SYNE3: variants seen among roughly 807,000 people sequenced by gnomAD.
SYNE3 encodes nesprin-3.
Under a neutral mutation model 111.2 loss-of-function variants are expected in SYNE3, and 100 were observed. The observed-to-expected ratio is 0.90, with a 90% CI of 0.77 to 1.06. The LOEUF is 1.06. Ranked by LOEUF, SYNE3 falls within the 50% of genes least tolerant of loss-of-function variation. The probability of loss-of-function intolerance (pLI) is 0.00; values close to 1 mark genes in which losing one functional copy is unlikely to be tolerated. For missense variants in SYNE3, 1,160 were observed against 1,240.3 expected (o/e 0.94, Z 0.97); for synonymous variants, 547 against 533.9 (o/e 1.02, Z -0.34).
chr14:95,475,703 AGG>A lies in SYNE3; in HGVS notation c.117_118del (p.Leu40GlyfsTer29). 6.3e-7 allele frequency: 1 copy of A among 1,589,374 alleles called. No homozygotes were observed. The highest frequency in any genetic ancestry group is 8.6e-7 in the Non-Finnish European group (1 of 1,169,138). On this transcript the variant is annotated frameshift_variant, in exon 2 of 18. Transcript: ENST00000682763. LOFTEE classifies it high-confidence loss of function. The stretch of plus-strand genomic sequence containing the variant: ...CTCGGTCTCCCACAGCCTGGCCTCC[AGG>A]GCCGCGCGGGGTCCCTGCGTGTTGT...
intron 17 of SYNE3, among the ~76,000 whole-genome samples, chr14:95,419,886 T>TTGC (rs1218023470): frequency 7.9e-6 from 1 of 126,094 alleles, no homozygotes; most frequent in Non-Finnish European, 1.7e-5. Flanking sequence ...GTGATGATGA[T>TTGC]GATAGTGATG....
intron 6 of SYNE3, among the ~76,000 whole-genome samples, chr14:95,455,040 C>T (rs2024865): frequency 0.068 from 10,304 of 152,200 alleles, 1,132 homozygotes; most frequent in African/African-American, 0.23. Flanking sequence ...AGGAAGCCCA[C>T]ACCTTATCCC....
Position 95,457,350 on chromosome 14 carries a change from G to A in SYNE3, c.628-12C>T, listed in dbSNP as rs1194185049. 2 of 1,612,094 alleles carry A rather than the reference G, an allele frequency of 1.2e-6. No individual in the cohort carries two copies. Among genetic ancestry groups the A allele is most frequent in the African/African-American group, 2.7e-5 (2 of 75,028 alleles). On this transcript the variant is annotated splice_polypyrimidine_tract_variant and intron_variant, in intron 4 of 17. Transcript: ENST00000682763. ...AGATCTACACGCTTCTGTGGGAGGA[G>A]GAGAATCACCAGCCATGAGGGTCCC...
rs1274748440 is a variant in SYNE3 at position 95,440,064 on chromosome 14, G to C, written c.1923C>G (p.Asp641Glu). ...ALQRSLEDLV[D>E]RCRQSVQEHC... ...GCTCCTGCACACTCTGCCGACACCT[G>C]TCCACAAGGTCCTGCAGCACAGCCC... is the stretch of plus-strand genomic sequence containing the variant. Residue 641 changes from aspartate (D) to glutamate (E), a missense_variant, in exon 12 of 18, where the codon GAC becomes GAG. Asp to Glu is a conservative substitution (Grantham distance 45). Transcript: ENST00000682763. 1.9e-6 allele frequency: 3 copies of C among 1,602,786 alleles called. No homozygotes were observed. The highest frequency in any genetic ancestry group is 2.5e-6 in the Non-Finnish European group (3 of 1,178,778).
At chr14:95,425,199 T>C (rs1885362810) in intron 17 of SYNE3, among the ~76,000 whole-genome samples, 1 of 150,654 alleles carries the variant, frequency 6.6e-6, no homozygotes, top group African/African-American at 2.4e-5. Flanking sequence ...TGAGCAGAGA[T>C]TGCACCACTG....
intron 1 of SYNE3, among the ~76,000 whole-genome samples, chr14:95,499,854 G>GCCTTTT (rs1433728190): frequency 1.9e-5 from 1 of 53,756 alleles, no homozygotes; most frequent in South Asian, 6.7e-4. Flanking sequence ...ACTAACTCTT[G>GCCTTTT]TCTTTTTTTT....
intron 1 of SYNE3, among the ~76,000 whole-genome samples, chr14:95,487,115 C>T (rs1208740159): frequency 6.6e-6 from 1 of 152,192 alleles, no homozygotes; most frequent in Non-Finnish European, 1.5e-5. Context: ...GCTGACTCTT[C>T]CCTGTCTCTT....
intron 3 of SYNE3, 64 bp downstream of exon 3, chr14:95,467,731 G>A: frequency 6.3e-7 from 1 of 1,587,306 alleles, no homozygotes; most frequent in Non-Finnish European, 8.6e-7. Context: ...GAGGGCCCAA[G>A]CTAGTGTCAC....
intron 15 of SYNE3, among the ~76,000 whole-genome samples, chr14:95,435,923 G>A (rs537874237): frequency 1.9e-4 from 29 of 152,306 alleles, no homozygotes; most frequent in Admixed American, 1.5e-3. Flanking sequence ...AGGATCAGCT[G>A]GGAGGCTACA....
At chr14:95,421,171 G>T (rs540743308) in intron 17 of SYNE3, among the ~76,000 whole-genome samples, 1 of 152,076 alleles carries the variant, frequency 6.6e-6, no homozygotes, top group African/African-American at 2.4e-5. Flanking sequence ...ACCCAGTCTC[G>T]GGTATGTCTT....
chr14:95,432,007 A>C, intron 17 of SYNE3, 72 bp downstream of exon 17: 2 of 1,547,178 alleles, frequency 1.3e-6, no homozygotes, highest in African/African-American at 1.4e-5. Context: ...GTCTTGCCCC[A>C]GTGTCACGGG....
At chr14:95,480,469 A>G (rs1222466799) in intron 1 of SYNE3, among the ~76,000 whole-genome samples, 2 of 152,234 alleles carry the variant, frequency 1.3e-5, no homozygotes, top group South Asian at 2.1e-4. Context: ...CATGCTCAGA[A>G]CACAGAACCT....
At chr14:95,456,149 T>C (rs1057067126) in intron 5 of SYNE3, 2 of 253,484 alleles carry the variant, frequency 7.9e-6, no homozygotes, top group Non-Finnish European at 1.5e-5. Context: ...TTTATGACAG[T>C]GATATGTTTT....
chr14:95,417,688 C>G lies in SYNE3; in HGVS notation c.*138G>C. On this transcript the variant is annotated 3_prime_UTR_variant, in exon 18 of 18. Coordinates refer to ENST00000682763, the MANE Select transcript of SYNE3 (RefSeq NM_152592.6). ...AAAAAGTAAGTGTCTTCTGGGAACG[C>G]TGACACAGCACTGATATGGATGCAG... is the stretch of plus-strand genomic sequence containing the variant. 5 of 896,492 alleles carry G rather than the reference C, an allele frequency of 5.6e-6. No individual in the cohort carries two copies. The highest frequency in any genetic ancestry group is 9.2e-6 in the Non-Finnish European group (5 of 546,356). 55.5% of individuals were successfully genotyped at this position (896,492 alleles called of 1,614,324 possible).
chr14:95,436,854 G>A lies in SYNE3; in HGVS notation c.2504C>T (p.Ala835Val), dbSNP rs1886111527. 3.1e-6 allele frequency: 5 copies of A among 1,614,070 alleles called. No individual in the cohort carries two copies. Among genetic ancestry groups the A allele is most frequent in the Non-Finnish European group, 4.2e-6 (5 of 1,180,054 alleles). The change falls in exon 15 of 18, where the codon GCT (alanine) becomes GTT (valine). Residue 835 changes from alanine to valine, a missense_variant. Physicochemically the swap from Ala to Val is moderately conservative, Grantham distance 64. Transcript: ENST00000682763. ...VRIIAMRTST[A>V]EDLRTRKSKL... is the part of the protein sequence containing the mutation. ...CGATTTTCTGGTCCTCAAGTCCTCA[G>A]CTGTAGAAGTTCTCATTGCGATGAT...
chr14:95,501,584 A>T (rs760634741), intron 1 of SYNE3, among the ~76,000 whole-genome samples: 2 of 152,186 alleles, frequency 1.3e-5, no homozygotes, highest in Non-Finnish European at 2.9e-5. Context: ...TAGGGAGCTC[A>T]GTGAGGTTTG....
At chr14:95,460,605 G>A (rs1318545461) in intron 4 of SYNE3, among the ~76,000 whole-genome samples, 1 of 137,842 alleles carries the variant, frequency 7.3e-6, no homozygotes, top group Non-Finnish European at 1.5e-5. Context: ...CATGGGCCCT[G>A]CTTGAATCTG....
chr14:95,480,253 A>T (rs933704376), intron 1 of SYNE3, among the ~76,000 whole-genome samples: 3 of 152,320 alleles, frequency 2.0e-5, no homozygotes, highest in African/African-American at 7.2e-5. Flanking sequence ...CCACTGAGTC[A>T]GTGAGAGGGC....
Position 95,465,915 on chromosome 14 carries a change from T to C in SYNE3, c.627+16A>G. 1 of 1,554,572 alleles carries C rather than the reference T, an allele frequency of 6.4e-7. No homozygotes were observed. Among genetic ancestry groups the C allele is most frequent in the Non-Finnish European group, 8.8e-7 (1 of 1,141,382 alleles). On this transcript the variant is annotated intron_variant, in intron 4 of 17. Coordinates refer to ENST00000682763, the MANE Select transcript of SYNE3 (RefSeq NM_152592.6). The stretch of plus-strand genomic sequence containing the variant: ...ATGGGTGGGTGAGGATGTAGCCCAC[T>C]CAGCCTCACCCTCACCTGGGCCTTG...
Sources: gnomAD v4.1 joint callset for allele counts (sites outside exome capture counted in the v4.1 genomes callset) on GRCh38, gnomAD v4.1.1 for gene constraint, MANE v1.5 for transcripts, NCBI Gene and HGNC (gene_info 2026-07-23, HGNC 2026-07-21) for gene names.